G3BP1: variants seen among roughly 807,000 people sequenced by gnomAD.
G3BP1 encodes the protein ras GTPase-activating protein-binding protein 1.
A neutral mutation model predicts 58.6 loss-of-function variants in G3BP1; 35 were observed. That is an observed-to-expected ratio of 0.60 (90% confidence interval 0.46 to 0.79). The LOEUF (loss-of-function observed/expected upper bound fraction) is 0.79, where lower values mean the gene tolerates loss of function less well. Ranked by LOEUF, G3BP1 falls within the 30% of genes least tolerant of loss-of-function variation. The pLI is 0.00. For synonymous variants in G3BP1, 191 were observed against 195.4 expected (o/e 0.98, Z 0.19); for missense variants, 523 against 580.8 (o/e 0.90, Z 1.02).
chr5:151,797,618 C>T (rs1762777082), intron 7 of G3BP1, among the ~76,000 whole-genome samples, 190 bp downstream of exon 7: 1 of 152,122 alleles, frequency 6.6e-6, no homozygotes, highest in South Asian at 2.1e-4. Context: ...TAGTTTATTT[C>T]ATCAAAAGAA....
intron 1 of G3BP1, among the ~76,000 whole-genome samples, chr5:151,773,117 C>T (rs1762302708): frequency 6.6e-6 from 1 of 152,192 alleles, no homozygotes; most frequent in African/African-American, 2.4e-5. Flanking sequence ...TGGGAAATTC[C>T]CGCCAGCGGG....
Position 151,803,865 on chromosome 5 carries a change from G to T in G3BP1, c.1195-20G>T, listed in dbSNP as rs182597886. Reference sequence around the variant, plus strand: ...CCAGCTCATCAGTACTCTTAAGTCTGGTCACCTTGATTCTTACAGCCCATC... The same window carrying T: ...CCAGCTCATCAGTACTCTTAAGTCTTGTCACCTTGATTCTTACAGCCCATC... On this transcript the variant is annotated intron_variant, in intron 11 of 11. Coordinates refer to ENST00000356245, the MANE Select transcript of G3BP1 (RefSeq NM_005754.3). 1 of 1,554,956 alleles carries T rather than the reference G, an allele frequency of 6.4e-7. No homozygotes were observed. The highest frequency in any genetic ancestry group is 1.7e-5 in the Admixed American group (1 of 59,602).
Position 151,790,885 on chromosome 5 carries a change from TA to T in G3BP1, c.178-2del. 1 of 1,528,446 alleles carries T rather than the reference TA, an allele frequency of 6.5e-7. No homozygotes were observed. The highest frequency in any genetic ancestry group is 9.0e-7 in the Non-Finnish European group (1 of 1,111,508). 94.7% of individuals were successfully genotyped at this position (1,528,446 alleles called of 1,614,324 possible). On this transcript the variant is annotated splice_polypyrimidine_tract_variant and splice_region_variant and intron_variant, in intron 3 of 11. Transcript: ENST00000356245. ...ATTATTATTATTATTATTATTTTTT[TA>T]AGGAAATCCACAGGAAAGTGATGTC...
Position 151,809,294 on chromosome 5 carries a change from G to A in G3BP1, c.*5203G>A, listed in dbSNP as rs1177964027. The A allele has an allele frequency of 1.3e-5, 2 of 152,304 alleles. No individual in the cohort carries two copies. Among genetic ancestry groups the A allele is most frequent in the South Asian group, 4.1e-4 (2 of 4,826 alleles). 9.4% of individuals were successfully genotyped at this position (152,304 alleles called of 1,614,324 possible). A position where few individuals can be genotyped will look rare whatever the true frequency, so the allele number is the denominator to read the frequency against. ...TTGTTATGAAGATTGGATGTACACT[G>A]ATTTGGCCCTTTAAATGACATTATA... On this transcript the variant is annotated 3_prime_UTR_variant, in exon 12 of 12. Coordinates refer to ENST00000356245, the MANE Select transcript of G3BP1 (RefSeq NM_005754.3).
Position 151,790,877 on chromosome 5 carries a change from TA to T in G3BP1, c.178-11del, listed in dbSNP as rs776359532. ...CTCAGTTGATTATTATTATTATTAT[TA>T]TTTTTTTAAGGAAATCCACAGGAAA... is the stretch of plus-strand genomic sequence containing the variant. On this transcript the variant is annotated splice_polypyrimidine_tract_variant and intron_variant, in intron 3 of 11. Transcript: ENST00000356245. The T allele has an allele frequency of 1.8e-5, 26 of 1,453,728 alleles. No individual in the cohort carries two copies. In the East Asian group the frequency reaches 1.9e-4, roughly 11 times the overall value. 90.1% of individuals were successfully genotyped at this position (1,453,728 alleles called of 1,614,324 possible).
Position 151,811,962 on chromosome 5 carries a change from C to A in G3BP1, c.*7871C>A, listed in dbSNP as rs959540524. On this transcript the variant is annotated 3_prime_UTR_variant, in exon 12 of 12. Transcript: ENST00000356245. ...TTTCCAGGCCAATTAATTAAAATGT[C>A]CCCAGGCTGCTTTTTAGAAGTATCT... is the stretch of plus-strand genomic sequence containing the variant. The A allele has an allele frequency of 6.6e-6, 1 of 152,162 alleles. No homozygotes were observed. Among genetic ancestry groups the A allele is most frequent in the Non-Finnish European group, 1.5e-5 (1 of 68,032 alleles). 9.4% of individuals were successfully genotyped at this position (152,162 alleles called of 1,614,324 possible).
intron 4 of G3BP1, 82 bp downstream of exon 4, chr5:151,791,144 A>T: frequency 8.3e-7 from 1 of 1,197,696 alleles, no homozygotes; most frequent in Non-Finnish European, 1.2e-6. Flanking sequence ...CTTTAAAAAC[A>T]CTTGAAATTT....
Position 151,800,003 on chromosome 5 carries a change from A to T in G3BP1, c.955+3A>T. 6.5e-7 allele frequency: 1 copy of T among 1,540,770 alleles called. No homozygotes were observed. Among genetic ancestry groups the T allele is most frequent in the East Asian group, 2.2e-5 (1 of 44,506 alleles). On this transcript the variant is annotated splice_donor_region_variant and intron_variant, in intron 9 of 11. Coordinates refer to ENST00000356245, the MANE Select transcript of G3BP1 (RefSeq NM_005754.3). ...TCCCCAAAGGGGACCCAGACCAAGT[A>T]AGAGCTCAGAAGGGCGATTTCTCGT... is the stretch of plus-strand genomic sequence containing the variant.
At chr5:151,782,767 C>T (rs1251210240) in intron 1 of G3BP1, among the ~76,000 whole-genome samples, 1 of 151,770 alleles carries the variant, frequency 6.6e-6, no homozygotes, top group African/African-American at 2.4e-5. Context: ...TTATTCCCCC[C>T]CAGAGGTAAT....
At chr5:151,794,317 G>A in intron 5 of G3BP1, 68 bp downstream of exon 5, 3 of 816,332 alleles carry the variant, frequency 3.7e-6, no homozygotes, top group Non-Finnish European at 4.3e-6. Context: ...GCCCTTAAGA[G>A]ACTATGGGTT....
intron 1 of G3BP1, among the ~76,000 whole-genome samples, chr5:151,776,740 ATTATTAT>A (rs765712989): frequency 2.0e-5 from 3 of 150,878 alleles, no homozygotes; most frequent in Non-Finnish European, 4.4e-5. Context: ...CTTATTTTTG[ATTATTAT>A]TTATTTTATA....
intron 1 of G3BP1, among the ~76,000 whole-genome samples, chr5:151,773,641 C>T (rs1762316926): frequency 1.3e-5 from 2 of 152,054 alleles, no homozygotes; most frequent in African/African-American, 4.8e-5. Context: ...TTTCTATAAT[C>T]GTGTTCTGGA....
rs1345129431 is a variant in G3BP1, at chr5:151,804,583, T to A, written c.*492T>A. 2 of 152,688 alleles carry A rather than the reference T, an allele frequency of 1.3e-5. No individual in the cohort carries two copies. The highest frequency in any genetic ancestry group is 2.9e-5 in the Non-Finnish European group (2 of 68,088). The allele number at this position is 152,688 out of a possible 1,614,324, so 9.5% of individuals were successfully genotyped here. A position where few individuals can be genotyped will look rare whatever the true frequency, so the allele number is the denominator to read the frequency against. ...TTTGAGAGTCATGACTACCTTCTGG[T>A]GTGGAGAAATTGCCATTGGAAAATT... On this transcript the variant is annotated 3_prime_UTR_variant, in exon 12 of 12. Transcript: ENST00000356245.
chr5:151,805,265 T>G lies in G3BP1; in HGVS notation c.*1174T>G, dbSNP rs1762924000. 6.6e-6 allele frequency: 1 copy of G among 152,614 alleles called. No individual in the cohort carries two copies. 9.5% of individuals were successfully genotyped at this position (152,614 alleles called of 1,614,324 possible). A position where few individuals can be genotyped will look rare whatever the true frequency, so the allele number is the denominator to read the frequency against. ...TAGCCATATGGTAAATTTTCTATTT[T>G]GTTATGGTTCTCTTTTATTGATGGG... On this transcript the variant is annotated 3_prime_UTR_variant, in exon 12 of 12. Coordinates refer to ENST00000356245, the MANE Select transcript of G3BP1 (RefSeq NM_005754.3).
intron 11 of G3BP1, among the ~76,000 whole-genome samples, chr5:151,802,787 G>T (rs552037106): frequency 3.3e-4 from 51 of 152,304 alleles, no homozygotes; most frequent in Admixed American, 7.2e-4. Flanking sequence ...CAAAAAATTA[G>T]CTGGGTGTGG....
intron 1 of G3BP1, among the ~76,000 whole-genome samples, chr5:151,780,638 G>C (rs190959287): frequency 6.6e-6 from 1 of 152,136 alleles, no homozygotes; most frequent in Admixed American, 6.6e-5. Context: ...TCAGCCTCCT[G>C]AGTTGCTGGG....
At chr5:151,786,436 T>C (rs1023271057) in intron 1 of G3BP1, 136 bp from the exon 2 acceptor site, 5 of 551,846 alleles carry the variant, frequency 9.1e-6, no homozygotes, top group Middle Eastern at 4.9e-4. Context: ...TTGTATAAAA[T>C]CTCAACTGGT....
At chr5:151,791,505 T>TA (rs1762651623) in intron 4 of G3BP1, 1 of 159,374 alleles carries the variant, frequency 6.3e-6, no homozygotes, top group Non-Finnish European at 1.4e-5. Context: ...TGTTTTTTTT[T>TA]ATTGCATTGA....
chr5:151,805,844 T>C lies in G3BP1; in HGVS notation c.*1753T>C, dbSNP rs1210843283. 6.6e-6 allele frequency: 1 copy of C among 152,202 alleles called. No individual in the cohort carries two copies. The highest frequency in any genetic ancestry group is 2.4e-5 in the African/African-American group (1 of 41,440). 9.4% of individuals were successfully genotyped at this position (152,202 alleles called of 1,614,324 possible). The stretch of plus-strand genomic sequence containing the variant: ...GGTGGGTGGAAAGAAAAGTTTAGTC[T>C]GAGTCACTTTGGAAAAAAAAATTAC... On this transcript the variant is annotated 3_prime_UTR_variant, in exon 12 of 12. Transcript: ENST00000356245.
Sources: gnomAD v4.1 joint callset for allele counts (sites outside exome capture counted in the v4.1 genomes callset) on GRCh38, gnomAD v4.1.1 for gene constraint, MANE v1.5 for transcripts, NCBI Gene and HGNC (gene_info 2026-07-23, HGNC 2026-07-21) for gene names.